The following BEAN1 variants were observed in gnomAD, a reference collection of about 807,000 sequenced individuals.
The protein encoded by BEAN1 is brain expressed associated with NEDD4 1.
Under a neutral mutation model 17.7 loss-of-function variants are expected in BEAN1, and 17 were observed. The observed-to-expected ratio is 0.96, with a 90% confidence interval of 0.66 to 1.44. The LOEUF (loss-of-function observed/expected upper bound fraction) is 1.44. BEAN1 is among the 40% of genes most tolerant of loss of function. The probability of loss-of-function intolerance (pLI) is 0.00; values close to 1 mark genes in which losing one functional copy is unlikely to be tolerated. For missense variants in BEAN1, 359 were observed against 374.1 expected (o/e 0.96, Z 0.33); for synonymous variants, 142 against 151.8 (o/e 0.94, Z 0.47).
intron 2 of BEAN1, among the ~76,000 whole-genome samples, chr16:66,440,770 C>T (rs1962226519): frequency 6.6e-6 from 1 of 152,236 alleles, no homozygotes; most frequent in African/African-American, 2.4e-5. Context: ...TGTCTGTCTG[C>T]CTTGGGCAGC....
intron 2 of BEAN1, 164 bp downstream of exon 2, chr16:66,437,865 C>G (rs1445241155): frequency 2.2e-6 from 2 of 891,598 alleles, no homozygotes; most frequent in Non-Finnish European, 3.6e-6. Flanking sequence ...ACGGAAGACC[C>G]CTGACGTCTG....
chr16:66,455,357 A>C lies in BEAN1; in HGVS notation c.26-14245A>C, dbSNP rs4783594. Among the ~76,000 whole-genome samples, 2,356 of 152,334 alleles carry C rather than the reference A, an allele frequency of 0.015. 173 individuals carry two copies. The East Asian group carries it at 0.22, about 14-fold the overall frequency. On this transcript the variant is annotated intron_variant, in intron 2 of 4. Transcript: ENST00000536005. ...ACCTGCACATACCATAAGTTGGCTC[A>C]TTCTCCCAAATCTGAATCACAGAGG...
intron 2 of BEAN1, among the ~76,000 whole-genome samples, chr16:66,454,569 C>A (rs1343241106): frequency 6.6e-6 from 1 of 152,084 alleles, no homozygotes; most frequent in East Asian, 1.9e-4. Context: ...TATGCTATAT[C>A]TCCTTCCATC....
intron 3 of BEAN1, among the ~76,000 whole-genome samples, chr16:66,472,809 C>T (rs1963533446): frequency 6.6e-6 from 1 of 151,994 alleles, no homozygotes. Context: ...CACTTCAGAC[C>T]AGGAGTTTGA....
chr16:66,436,443 ATTT>A (rs71145925), intron 1 of BEAN1, among the ~76,000 whole-genome samples: 3 of 121,394 alleles, frequency 2.5e-5, no homozygotes, highest in Non-Finnish European at 1.8e-5. Flanking sequence ...AATTTTTTGT[ATTT>A]TTTTTTTTTT....
At chr16:66,461,942 A>G (rs888246288) in intron 2 of BEAN1, among the ~76,000 whole-genome samples, 10 of 152,336 alleles carry the variant, frequency 6.6e-5, no homozygotes, top group Middle Eastern at 3.4e-3. Flanking sequence ...AACCGGGATC[A>G]TGCTAGATGA....
At chr16:66,463,869 T>C (rs1963172927) in intron 2 of BEAN1, among the ~76,000 whole-genome samples, 1 of 152,222 alleles carries the variant, frequency 6.6e-6, no homozygotes, top group Non-Finnish European at 1.5e-5. Flanking sequence ...CTAACACCAT[T>C]TGTTGAAAAG....
chr16:66,467,998 T>A (rs1963318644), intron 2 of BEAN1, among the ~76,000 whole-genome samples: 1 of 152,174 alleles, frequency 6.6e-6, no homozygotes, highest in Non-Finnish European at 1.5e-5. Context: ...TAGAAAGGTA[T>A]GGGAAGGAGA....
chr16:66,495,253 C>T (rs1030809724), downstream of BEAN1, among the ~76,000 whole-genome samples: 9 of 152,152 alleles, frequency 5.9e-5, no homozygotes, highest in Non-Finnish European at 8.8e-5. Context: ...GCACAGGGCA[C>T]GCTGGTTATC....
At chr16:66,474,610 G>GAGGGAGGGAGGGAGGGAGGAAGGA (rs1963644534) in intron 3 of BEAN1, among the ~76,000 whole-genome samples, 1 of 12,380 alleles carries the variant, frequency 8.1e-5, no homozygotes, top group African/African-American at 4.6e-4. Context: ...GGGAGAGAGG[G>GAGGGAGGGAGGGAGGGAGGAAGGA]AGGGAGGAAG....
chr16:66,480,175 CTT>C (rs1963931101), intron 4 of BEAN1, among the ~76,000 whole-genome samples: 2 of 152,136 alleles, frequency 1.3e-5, no homozygotes, highest in South Asian at 4.1e-4. Flanking sequence ...CCAGGGGACT[CTT>C]TCCTAAACTG....
At position 66,473,277 on chromosome 16, in the gene BEAN1, C is replaced by T. The variant is rs1387049307; in HGVS notation, c.289+3412C>T. Among the ~76,000 whole-genome samples the T allele has an allele frequency of 6.6e-6, 1 of 152,086 alleles. No individual in the cohort carries two copies. Among genetic ancestry groups the T allele is most frequent in the African/African-American group, 2.4e-5 (1 of 41,412 alleles). ...GGGGTGGGTGGGATGACTGAGGTCA[C>T]AGCTCTGCCAAGCGGGGTCAGGCCT... On this transcript the variant is annotated intron_variant, in intron 3 of 4. Coordinates refer to ENST00000536005, the MANE Select transcript of BEAN1 (RefSeq NM_001178020.3). This position sits in a 1 kb window ranked among gnomAD's most constrained non-coding sequence, Gnocchi z 4.5.
chr16:66,442,922 G>A (rs1962313518), intron 2 of BEAN1, among the ~76,000 whole-genome samples: 1 of 152,184 alleles, frequency 6.6e-6, no homozygotes, highest in African/African-American at 2.4e-5. Context: ...AGATGTTGGT[G>A]TTTTTCGCTC....
chr16:66,445,991 T>C (rs1426188195), intron 2 of BEAN1, among the ~76,000 whole-genome samples: 1 of 152,158 alleles, frequency 6.6e-6, no homozygotes, highest in Non-Finnish European at 1.5e-5. Flanking sequence ...AAGACCAGCC[T>C]GGCCAACATA....
rs1161865735 is a variant in BEAN1, at chr16:66,480,436, G to C, written c.441-150G>C. On this transcript the variant is annotated intron_variant, in intron 4 of 4. Transcript: ENST00000536005. ...GGTCCCCCTCTGGAGATGGAGGGAA[G>C]TAGCAGGGTTTCATTGGAGCCAGCG... 4.8e-6 allele frequency: 3 copies of C among 620,930 alleles called. No homozygotes were observed. The African/African-American group carries it at 5.6e-5, about 12-fold the overall frequency. The allele number at this position is 620,930 out of a possible 1,614,324, so 38.5% of individuals were successfully genotyped here. A position where few individuals can be genotyped will look rare whatever the true frequency, so the allele number is the denominator to read the frequency against.
In BEAN1 at chr16:66,477,567, C is replaced by G. The variant is rs947076270; in HGVS notation, c.297C>G (p.Asp99Glu). ...HREYEHGYVS[D>E]EHTYSRSSRR... The stretch of plus-strand genomic sequence containing the variant: ...GTGGTCTGTTCCCTGCAGTGTCGGA[C>G]GAGCACACATACAGCCGCTCAAGCC... The change falls in exon 4 of 5, where the codon GAC becomes GAG. Residue 99 changes from aspartate (D) to glutamate (E), a missense_variant. Physicochemically the swap from Asp to Glu is conservative, Grantham distance 45 (BLOSUM62 2). Coordinates refer to ENST00000536005, the MANE Select transcript of BEAN1 (RefSeq NM_001178020.3). The G allele has an allele frequency of 6.5e-7, 1 of 1,543,558 alleles. No homozygotes were observed. The highest frequency in any genetic ancestry group is 8.7e-7 in the Non-Finnish European group (1 of 1,144,484).
At chr16:66,446,613 T>C (rs2142392807) in intron 2 of BEAN1, among the ~76,000 whole-genome samples, 1 of 152,066 alleles carries the variant, frequency 6.6e-6, no homozygotes, top group Non-Finnish European at 1.5e-5. Context: ...TGCTGTGAAG[T>C]GGGATGAGAT....
At chr16:66,435,811 C>T (rs774346080) in intron 1 of BEAN1, among the ~76,000 whole-genome samples, 1 of 152,126 alleles carries the variant, frequency 6.6e-6, no homozygotes, top group African/African-American at 2.4e-5. Context: ...TTCTATTTAA[C>T]GTGAATCAGA....
intron 2 of BEAN1, chr16:66,438,165 C>T (rs1962105060): frequency 5.3e-6 from 1 of 187,836 alleles, no homozygotes; most frequent in South Asian, 1.1e-4. Flanking sequence ...AGATGGAATA[C>T]CTCAGGTCAG....
Sources: gnomAD v4.1 joint callset for allele counts (sites outside exome capture counted in the v4.1 genomes callset) on GRCh38, gnomAD v4.1.1 for gene constraint, Gnocchi (gnomAD v3.1) non-coding constraint, MANE v1.5 for transcripts, NCBI Gene and HGNC (gene_info 2026-07-23, HGNC 2026-07-21) for gene names.